HIVEP1: variants seen among roughly 807,000 people sequenced by gnomAD.
HIVEP1 encodes the protein zinc finger protein 40.
HIVEP1 carries 36 observed loss-of-function variants against 180.0 expected under a neutral mutation model. The observed-to-expected ratio is 0.20, with a 90% CI of 0.15 to 0.26. The LOEUF (loss-of-function observed/expected upper bound fraction) is 0.26. HIVEP1 is among the 10% of genes least tolerant of loss of function. The pLI, the probability that HIVEP1 is intolerant of heterozygous loss-of-function variation, is 1.00. For missense variants in HIVEP1, 3,143 were observed against 3,268.7 expected (o/e 0.96, Z 0.94); for synonymous variants, 1,239 against 1,239.0 (o/e 1.00, Z 0.00).
chr6:12,143,274 A>G (rs1037757013), intron 7 of HIVEP1, among the ~76,000 whole-genome samples: 1 of 152,252 alleles, frequency 6.6e-6, no homozygotes, highest in Non-Finnish European at 1.5e-5. Context: ...AACAGAACCA[A>G]TGACAAAAAC....
intron 2 of HIVEP1, among the ~76,000 whole-genome samples, chr6:12,033,001 C>T (rs903893861): frequency 2.0e-4 from 30 of 152,156 alleles, no homozygotes; most frequent in African/African-American, 6.5e-4. Flanking sequence ...TGTTATTTTA[C>T]GGTGAATGAA....
At chr6:12,037,972 C>T (rs1048406494) in intron 2 of HIVEP1, 73 of 385,930 alleles carry the variant, frequency 1.9e-4, no homozygotes, top group African/African-American at 6.8e-4. Flanking sequence ...GTGTTGGCCC[C>T]CCAAAGCACT....
intron 2 of HIVEP1, among the ~76,000 whole-genome samples, chr6:12,026,543 G>A (rs1375994010): frequency 6.6e-6 from 1 of 152,194 alleles, no homozygotes; most frequent in African/African-American, 2.4e-5. Context: ...AAGAAAAGAG[G>A]AAAGGAAACT....
chr6:12,201,674 T>C, the HIVEP1 span, among the ~76,000 whole-genome samples: 1 of 152,262 alleles, frequency 6.6e-6, no homozygotes, highest in African/African-American at 2.4e-5. Flanking sequence ...CTTTTGATCC[T>C]AATTCTGTTC....
At chr6:12,023,039 T>C (rs776498697) in intron 2 of HIVEP1, among the ~76,000 whole-genome samples, 35 of 152,240 alleles carry the variant, frequency 2.3e-4, no homozygotes, top group Non-Finnish European at 4.4e-4. Flanking sequence ...GTTTTATTGT[T>C]GAACTCTTTT....
Position 12,123,094 on chromosome 6 carries a change from C to G in HIVEP1, c.3299C>G (p.Pro1100Arg). ...CATATTCACCTTGTTGCCAGGGGCC[C>G]TGAGCAGACCATGGATCCCAAGCTG... ...NSHIHLVARG[P>R]EQTMDPKLST... Residue 1100 changes from proline (P) to arginine (R), a missense_variant, in exon 4 of 9, where the codon CCT (proline) becomes CGT (arginine). By Grantham distance (103) the Pro-to-Arg change is moderately radical (BLOSUM62 -2). Transcript: ENST00000379388. 1 of 1,614,124 alleles carries G rather than the reference C, an allele frequency of 6.2e-7. No homozygotes were observed. The highest frequency in any genetic ancestry group is 8.5e-7 in the Non-Finnish European group (1 of 1,180,016).
rs1042054 is a variant in HIVEP1 at position 12,164,379 on chromosome 6, C to G, written c.8075C>G (p.Ala2692Gly). The G allele has an allele frequency of 0.041, 65,815 of 1,614,088 alleles. 1,522 individuals carry two copies. Among genetic ancestry groups the G allele is most frequent in the Middle Eastern group, 0.05 (301 of 6,062 alleles). Residue 2692 changes from alanine (A) to glycine (G), a missense_variant, in exon 9 of 9, where the codon GCA (alanine) becomes GGA (glycine). By Grantham distance (60) the Ala-to-Gly change is moderately conservative (BLOSUM62 0). Coordinates refer to ENST00000379388, the MANE Select transcript of HIVEP1 (RefSeq NM_002114.4). ...GACAGACAGGTTCCCAGGCCCACAG[C>G]ACTACCGCGGAGGCAGCCCACTGTG... ...SPDRQVPRPT[A>G]LPRRQPTVHF...
At chr6:12,050,598 AT>A (rs201955915) in intron 2 of HIVEP1, among the ~76,000 whole-genome samples, 1 of 147,524 alleles carries the variant, frequency 6.8e-6, no homozygotes, top group Admixed American at 6.7e-5. Context: ...AAAAAAAAAA[AT>A]AAAAAAATTA....
chr6:12,030,125 T>C (rs970579959), intron 2 of HIVEP1, among the ~76,000 whole-genome samples: 8 of 152,232 alleles, frequency 5.3e-5, no homozygotes, highest in Non-Finnish European at 1.5e-5. Flanking sequence ...TCCACTATTC[T>C]CTGGCCTCTG....
chr6:12,114,004 C>T (rs965509409), intron 3 of HIVEP1, among the ~76,000 whole-genome samples: 88 of 151,954 alleles, frequency 5.8e-4, no homozygotes, highest in African/African-American at 1.8e-3. Flanking sequence ...TATCTTTATT[C>T]TGGTTCTCTC....
At chr6:12,076,597 C>T (rs1772365684) in intron 2 of HIVEP1, among the ~76,000 whole-genome samples, 1 of 152,150 alleles carries the variant, frequency 6.6e-6, no homozygotes, top group Non-Finnish European at 1.5e-5. Context: ...CCTGTGTCCT[C>T]ACATGGCTGA....
At chr6:12,033,797 C>T (rs976301287) in intron 2 of HIVEP1, among the ~76,000 whole-genome samples, 3 of 152,150 alleles carry the variant, frequency 2.0e-5, no homozygotes, top group African/African-American at 7.2e-5. Context: ...ACTTCTTGTT[C>T]CTTGGAAACC....
intron 2 of HIVEP1, among the ~76,000 whole-genome samples, chr6:12,044,201 C>T (rs1374003667): frequency 6.6e-6 from 1 of 152,064 alleles, no homozygotes; most frequent in Non-Finnish European, 1.5e-5. Flanking sequence ...ATCTCCACCA[C>T]CCCCATAGAA....
At chr6:12,208,195 A>G in the HIVEP1 span, among the ~76,000 whole-genome samples, 1 of 152,156 alleles carries the variant, frequency 6.6e-6, no homozygotes, top group South Asian at 2.1e-4. Context: ...TACATGTTTC[A>G]TTAACTTAGC....
intron 1 of HIVEP1, among the ~76,000 whole-genome samples, chr6:12,014,833 CA>C (rs1440440407): frequency 6.6e-6 from 1 of 152,194 alleles, no homozygotes; most frequent in Admixed American, 6.5e-5. Flanking sequence ...TTTAAGCAAA[CA>C]AAAAGGTGTT....
At chr6:12,051,200 C>T (rs953575350) in intron 2 of HIVEP1, among the ~76,000 whole-genome samples, 2 of 151,578 alleles carry the variant, frequency 1.3e-5, no homozygotes, top group Non-Finnish European at 2.9e-5. Context: ...AGCACCAATA[C>T]CACCATTTTT....
At chr6:12,011,878 G>T (rs1432661431), upstream of HIVEP1, 16 of 12,378 alleles carry the variant, frequency 1.3e-3, no homozygotes, top group Admixed American at 4.0e-3. Context: ...CCCCTCCCCC[G>T]CCCACGCGTC....
chr6:12,026,132 C>CA (rs1236748088), intron 2 of HIVEP1, among the ~76,000 whole-genome samples: 6 of 152,008 alleles, frequency 3.9e-5, no homozygotes, highest in South Asian at 2.1e-4. Flanking sequence ...TATGCCTAGA[C>CA]AAAAAATCTT....
chr6:12,200,530 C>T, the HIVEP1 span, among the ~76,000 whole-genome samples: 1 of 152,186 alleles, frequency 6.6e-6, no homozygotes, highest in African/African-American at 2.4e-5. Context: ...GCTTGCCTGC[C>T]CTGCATCAAA....
Sources: allele counts gnomAD v4.1 joint callset (sites outside exome capture counted in the v4.1 genomes callset), GRCh38; gene constraint gnomAD v4.1.1; transcripts MANE v1.5; gene names NCBI Gene and HGNC (gene_info 2026-07-23, HGNC 2026-07-21).